Variants in TSC22D2 observed in about 807,000 individuals in gnomAD.
TSC22D2 encodes the protein TSC22 domain family member 2.
In TSC22D2, 5 loss-of-function variants were observed where a neutral mutation model predicts 50.1. The observed-to-expected ratio is 0.10, with a 90% confidence interval of 0.05 to 0.21. TSC22D2 has a LOEUF of 0.21. Among genes scored for constraint, TSC22D2 ranks in the 10% least tolerant of loss-of-function variants. The pLI, the probability that TSC22D2 is intolerant of heterozygous loss-of-function variation, is 1.00. For missense variants in TSC22D2, 1,003 were observed against 1,015.5 expected, an observed-to-expected ratio of 0.99 and a Z score of 0.17; for synonymous variants, 501 against 450.1, an observed-to-expected ratio of 1.11 and a Z score of -1.43.
intron 1 of TSC22D2, among the ~76,000 whole-genome samples, chr3:150,412,771 T>G (rs1264989397): frequency 1.3e-5 from 2 of 152,172 alleles, no homozygotes; most frequent in African/African-American, 4.8e-5. Flanking sequence ...CCCTCTACTT[T>G]TATAGTTGCT....
chr3:150,457,662 G>C (rs1721231131), intron 2 of TSC22D2, among the ~76,000 whole-genome samples: 2 of 152,110 alleles, frequency 1.3e-5, no homozygotes, highest in African/African-American at 4.8e-5. Context: ...TTTTGAGATA[G>C]TCTCGCTCTG....
In TSC22D2 at chr3:150,409,445, G is replaced by C; in HGVS notation, c.95G>C (p.Ser32Thr). The C allele has an allele frequency of 6.2e-7, 1 of 1,613,604 alleles. No homozygotes were observed. The highest frequency in any genetic ancestry group is 8.5e-7 in the Non-Finnish European group (1 of 1,179,904). The change falls in exon 1 of 3, where the codon AGC (serine) becomes ACC (threonine). Residue 32 changes from serine to threonine, a missense_variant. Ser to Thr is a moderately conservative substitution (Grantham distance 58, BLOSUM62 1). Transcript: ENST00000688009. The surrounding 1 kb of genome is among the most constrained non-coding windows in gnomAD (Gnocchi z 7.4). ...VATSITEDTE[S>T]LDDPDESRTE... ...ACTAGCATCACCGAGGACACCGAGA[G>C]CTTGGACGACCCGGACGAGTCACGC...
At chr3:150,414,306 A>G (rs907946009) in intron 1 of TSC22D2, among the ~76,000 whole-genome samples, 4 of 152,236 alleles carry the variant, frequency 2.6e-5, no homozygotes, top group African/African-American at 9.6e-5. Context: ...GTCCTTAAAT[A>G]TGTAGCTACT....
chr3:150,447,709 C>T (rs1049208384), intron 1 of TSC22D2, among the ~76,000 whole-genome samples: 18 of 152,116 alleles, frequency 1.2e-4, no homozygotes, highest in African/African-American at 3.4e-4. Flanking sequence ...CAGATAGTCT[C>T]TTTTCCTTAT....
At position 150,409,687 on chromosome 3, in the gene TSC22D2, G is replaced by C. The variant is rs370012280; in HGVS notation, c.337G>C (p.Val113Leu). The part of the protein sequence containing the change: ...NGGGVVSARS[V>L]SGALASTLAA... ...AGGAGGAGTCGTTTCGGCCCGGAGC[G>C]TGTCTGGGGCGCTCGCCAGTACCCT... The change falls in exon 1 of 3, where the codon GTG (valine) becomes CTG (leucine). Residue 113 changes from valine (V) to leucine (L), a missense_variant. Physicochemically the swap from Val to Leu is conservative, Grantham distance 32. Coordinates refer to ENST00000688009, the MANE Select transcript of TSC22D2 (RefSeq NM_001303264.2). This position sits in a 1 kb window ranked among gnomAD's most constrained non-coding sequence, Gnocchi z 7.4. 8.1e-5 allele frequency: 129 copies of C among 1,588,776 alleles called. No homozygotes were observed. Among genetic ancestry groups the C allele is most frequent in the Non-Finnish European group, 1.0e-4 (117 of 1,168,878 alleles).
chr3:150,442,900 G>A (rs1304912952), intron 1 of TSC22D2, among the ~76,000 whole-genome samples: 1 of 152,120 alleles, frequency 6.6e-6, no homozygotes, highest in South Asian at 2.1e-4. Flanking sequence ...CTATGATGGC[G>A]CCATTGCATT....
At position 150,463,435 on chromosome 3, in the gene TSC22D2, G is replaced by A. The variant is rs1460714239; in HGVS notation, c.*4799G>A. On this transcript the variant is annotated 3_prime_UTR_variant, in exon 3 of 3. Coordinates refer to ENST00000688009, the MANE Select transcript of TSC22D2 (RefSeq NM_001303264.2). ...TAATAATCCATATTTCTATTTTCTA[G>A]CAATAGTAATAGTTTATTATTTAGT... 1.3e-5 allele frequency: 2 copies of A among 152,010 alleles called. No individual in the cohort carries two copies. Among genetic ancestry groups the A allele is most frequent in the Admixed American group, 6.6e-5 (1 of 15,254 alleles). The allele number at this position is 152,010 out of a possible 1,614,324, so 9.4% of individuals were successfully genotyped here. A position where few individuals can be genotyped will look rare whatever the true frequency, so the allele number is the denominator to read the frequency against.
At chr3:150,413,645 C>T (rs1576541005) in intron 1 of TSC22D2, among the ~76,000 whole-genome samples, 1 of 142,072 alleles carries the variant, frequency 7.0e-6, no homozygotes, top group South Asian at 2.2e-4. Context: ...AATTAAATAA[C>T]AGTTTTCCAG....
chr3:150,464,411 C>CTT lies in TSC22D2; in HGVS notation c.*5782_*5783dup, dbSNP rs932539908. 1 of 151,672 alleles carries CTT rather than the reference C, an allele frequency of 6.6e-6. No homozygotes were observed. Among genetic ancestry groups the CTT allele is most frequent in the Non-Finnish European group, 1.5e-5 (1 of 67,880 alleles). The allele number at this position is 151,672 out of a possible 1,614,324, so 9.4% of individuals were successfully genotyped here. On this transcript the variant is annotated 3_prime_UTR_variant, in exon 3 of 3. Transcript: ENST00000688009. ...TGATGTTTTCAAGAAATTTAGGTTTCTTTTTTTTATTTTATAAAAAAAATG... is the reference window on the plus strand; with the variant it reads ...TGATGTTTTCAAGAAATTTAGGTTTCTTTTTTTTTTATTTTATAAAAAAAATG...
chr3:150,443,787 G>T (rs1171597741), intron 1 of TSC22D2, among the ~76,000 whole-genome samples: 1 of 152,184 alleles, frequency 6.6e-6, no homozygotes, highest in Admixed American at 6.5e-5. Context: ...TATGAGGCAT[G>T]ATTATACAAT....
intron 1 of TSC22D2, among the ~76,000 whole-genome samples, chr3:150,411,897 C>T (rs1039448013): frequency 6.6e-6 from 1 of 152,080 alleles, no homozygotes; most frequent in Non-Finnish European, 1.5e-5. Context: ...TTCCCAGGGA[C>T]TTCTCTAAGA....
At chr3:150,428,161 AGTCTGGTCTTATTG>A (rs750438552) in intron 1 of TSC22D2, among the ~76,000 whole-genome samples, 45 of 152,064 alleles carry the variant, frequency 3.0e-4, no homozygotes, top group Non-Finnish European at 6.0e-4. Context: ...GGGAGTAGCA[AGTCTGGTCTTATTG>A]GTGTGGAGAG....
rs1721430197 is a variant in TSC22D2 at position 150,462,003 on chromosome 3, T to C, written c.*3367T>C. The C allele has an allele frequency of 6.6e-6, 1 of 152,200 alleles. No individual in the cohort carries two copies. 9.4% of individuals were successfully genotyped at this position (152,200 alleles called of 1,614,324 possible). On this transcript the variant is annotated 3_prime_UTR_variant, in exon 3 of 3. Coordinates refer to ENST00000688009, the MANE Select transcript of TSC22D2 (RefSeq NM_001303264.2). ...GCTTTATGGCTCAGTGGCAAGCACT[T>C]TGTGACATTTCTTTAATAATCCTAT... is the stretch of plus-strand genomic sequence containing the variant.
chr3:150,411,030 C>A lies in TSC22D2; in HGVS notation c.1680C>A (p.Pro560=). The change falls in exon 1 of 3, where the codon CCC becomes CCA. Residue 560 remains proline (P), a synonymous_variant. Coordinates refer to ENST00000688009, the MANE Select transcript of TSC22D2 (RefSeq NM_001303264.2). ...SSSIIQHVGL[P]LAPGTHSAPT... ...GCATAATCCAGCATGTTGGGCTGCC[C>A]TTAGCGCCAGGCACACACAGCGCAC... is the stretch of plus-strand genomic sequence containing the variant. 4 of 1,614,208 alleles carry A rather than the reference C, an allele frequency of 2.5e-6. No individual in the cohort carries two copies. The highest frequency in any genetic ancestry group is 3.4e-6 in the Non-Finnish European group (4 of 1,180,038).
chr3:150,410,242 G>C lies in TSC22D2; in HGVS notation c.892G>C (p.Ala298Pro). 1 of 1,563,474 alleles carries C rather than the reference G, an allele frequency of 6.4e-7. No homozygotes were observed. The highest frequency in any genetic ancestry group is 8.7e-7 in the Non-Finnish European group (1 of 1,154,942). ...GGCTCCGCTGCCGCCGTTCCCGGGA[G>C]CCGCGACCGGGCCGCAGCCAATGAT... ...SSAPLPPFPG[A>P]ATGPQPMMAA... Residue 298 changes from alanine to proline, a missense_variant, in exon 1 of 3, where the codon GCC becomes CCC. Ala to Pro is a conservative substitution (Grantham distance 27, BLOSUM62 -1). Transcript: ENST00000688009.
chr3:150,436,281 G>A (rs1720540325), intron 1 of TSC22D2, among the ~76,000 whole-genome samples: 1 of 151,828 alleles, frequency 6.6e-6, no homozygotes, highest in African/African-American at 2.4e-5. Flanking sequence ...TCATATGACT[G>A]GTTTAATTGT....
At chr3:150,415,803 A>G (rs1259482225) in intron 1 of TSC22D2, among the ~76,000 whole-genome samples, 3 of 152,216 alleles carry the variant, frequency 2.0e-5, no homozygotes, top group Admixed American at 2.0e-4. Flanking sequence ...CCACACAGCA[A>G]GGACCTGTCT....
At position 150,465,212 on chromosome 3, in the gene TSC22D2, T is replaced by C. The variant is rs766027337; in HGVS notation, c.*6576T>C. On this transcript the variant is annotated 3_prime_UTR_variant, in exon 3 of 3. Transcript: ENST00000688009. ...TTCTAGCTAGACTAGCAGTTAGTCT[T>C]CTACTTTTTGGTTACTCCCTTTTAG... 6.6e-6 allele frequency: 1 copy of C among 152,220 alleles called. No individual in the cohort carries two copies. The highest frequency in any genetic ancestry group is 1.5e-5 in the Non-Finnish European group (1 of 68,026). 9.4% of individuals were successfully genotyped at this position (152,220 alleles called of 1,614,324 possible).
rs1208326393 is a variant in TSC22D2, at chr3:150,445,337, T to TAAA, written c.1959-11737_1959-11736insAAA. Among the ~76,000 whole-genome samples the TAAA allele has an allele frequency of 9.0e-4, 134 of 148,438 alleles. 2 individuals carry two copies. In the East Asian group the frequency reaches 0.011, roughly 12 times the overall value. ...TCAAAAATAATAATAATAATAATAA[T>TAAA]AATAATAATAATAATAATAATAAGC... On this transcript the variant is annotated intron_variant, in intron 1 of 2. Transcript: ENST00000688009.
Sources: gnomAD v4.1 joint callset for allele counts (sites outside exome capture counted in the v4.1 genomes callset) on GRCh38, gnomAD v4.1.1 for gene constraint, Gnocchi (gnomAD v3.1) non-coding constraint, MANE v1.5 for transcripts, NCBI Gene and HGNC (gene_info 2026-07-23, HGNC 2026-07-21) for gene names.